The following PHACTR3 variants were observed in gnomAD, a reference collection of about 807,000 sequenced individuals.
The protein encoded by PHACTR3 is phosphatase and actin regulator 3.
A neutral mutation model predicts 66.8 loss-of-function variants in PHACTR3; 16 were observed. That is an observed-to-expected ratio of 0.24 (90% CI 0.16 to 0.36). PHACTR3 has a LOEUF of 0.36. Among genes scored for constraint, PHACTR3 ranks in the 10% least tolerant of loss-of-function variants. The pLI is 1.00. For missense variants in PHACTR3, 647 were observed against 719.9 expected (o/e 0.90, Z 1.16); for synonymous variants, 323 against 292.1 (o/e 1.11, Z -1.08).
chr20:59,816,246 G>A (rs2041884011), intron 8 of PHACTR3, among the ~76,000 whole-genome samples: 6 of 152,104 alleles, frequency 3.9e-5, no homozygotes, highest in Admixed American at 3.3e-4. Flanking sequence ...TGCTGCTGCT[G>A]ATCTGACAGG....
chr20:59,616,346 G>C (rs773106789), intron 1 of PHACTR3, among the ~76,000 whole-genome samples: 1 of 152,172 alleles, frequency 6.6e-6, no homozygotes, highest in Non-Finnish European at 1.5e-5. Context: ...GTTCTGATCT[G>C]GTGCAGTTTT....
At chr20:59,702,260 G>A (rs1246196881) in intron 1 of PHACTR3, among the ~76,000 whole-genome samples, 2 of 152,098 alleles carry the variant, frequency 1.3e-5, no homozygotes, top group Admixed American at 6.5e-5. Flanking sequence ...TGGACCCACT[G>A]TCATCACCTC....
chr20:59,845,522 G>T (rs1056521998), intron 12 of PHACTR3, among the ~76,000 whole-genome samples: 1 of 152,066 alleles, frequency 6.6e-6, no homozygotes, highest in Non-Finnish European at 1.5e-5. Flanking sequence ...ACAAAAATAA[G>T]CCTCAAGGCA....
At chr20:59,772,046 G>T (rs2040379279) in intron 5 of PHACTR3, among the ~76,000 whole-genome samples, 1 of 152,368 alleles carries the variant, frequency 6.6e-6, no homozygotes, top group Middle Eastern at 3.4e-3. Flanking sequence ...CTGAAAAGGA[G>T]CTGATGGTCT....
chr20:59,755,892 G>A (rs754343122), intron 4 of PHACTR3, among the ~76,000 whole-genome samples: 2 of 152,126 alleles, frequency 1.3e-5, no homozygotes, highest in African/African-American at 2.4e-5. Context: ...GGGCTCTTCC[G>A]CTGCTTCTTG....
At position 59,773,372 on chromosome 20, in the gene PHACTR3, C is replaced by T; in HGVS notation, c.845C>T (p.Thr282Ile). 6.2e-7 allele frequency: 1 copy of T among 1,614,206 alleles called. No homozygotes were observed. The highest frequency in any genetic ancestry group is 8.5e-7 in the Non-Finnish European group (1 of 1,180,050). Residue 282 changes from threonine to isoleucine, a missense_variant, in exon 6 of 13, where the codon ACC becomes ATC. By Grantham distance (89) the Thr-to-Ile change is moderately conservative. Coordinates refer to ENST00000371015, the MANE Select transcript of PHACTR3 (RefSeq NM_080672.5). ...ACACCCACGGGGTCTCCGCATCTCACCACGGTCCACCGGCCTCTTCCCCCA... is the reference window on the plus strand; with the variant it reads ...ACACCCACGGGGTCTCCGCATCTCATCACGGTCCACCGGCCTCTTCCCCCA... ...LSTPTGSPHL[T>I]TVHRPLPPSR...
At chr20:59,671,387 G>A (rs530149495) in intron 1 of PHACTR3, among the ~76,000 whole-genome samples, 77 of 152,318 alleles carry the variant, frequency 5.1e-4, no homozygotes, top group Middle Eastern at 3.4e-3. Flanking sequence ...GTCTGGCTTG[G>A]AAGCCACAGA....
chr20:59,822,069 C>T (rs1307743198), intron 8 of PHACTR3, among the ~76,000 whole-genome samples: 1 of 94,358 alleles, frequency 1.1e-5, no homozygotes, highest in Non-Finnish European at 1.9e-5. Flanking sequence ...CGATCCGCCC[C>T]GCAACGATCC....
At chr20:59,685,602 G>A (rs933421665) in intron 1 of PHACTR3, among the ~76,000 whole-genome samples, 2 of 152,188 alleles carry the variant, frequency 1.3e-5, no homozygotes, top group African/African-American at 4.8e-5. Flanking sequence ...TGGAGTTCCG[G>A]CCACTCTGGC....
chr20:59,671,062 G>T (rs1568693132), intron 1 of PHACTR3, among the ~76,000 whole-genome samples: 1 of 152,206 alleles, frequency 6.6e-6, no homozygotes, highest in Non-Finnish European at 1.5e-5. Context: ...ATGGGAGAGA[G>T]CATTTGGTTT....
chr20:59,746,005 G>C (rs984428425), intron 2 of PHACTR3, among the ~76,000 whole-genome samples: 2 of 152,216 alleles, frequency 1.3e-5, no homozygotes, highest in Admixed American at 1.3e-4. Context: ...CTCCACCCCT[G>C]TTCTTCTTAT....
intron 1 of PHACTR3, among the ~76,000 whole-genome samples, chr20:59,714,500 C>T (rs1051232923): frequency 3.9e-5 from 6 of 152,166 alleles, no homozygotes; most frequent in Admixed American, 6.5e-5. Context: ...CAGTACACTG[C>T]GTGGGTCTAT....
chr20:59,657,372 C>T (rs1031307035), intron 1 of PHACTR3, among the ~76,000 whole-genome samples: 2 of 151,790 alleles, frequency 1.3e-5, no homozygotes, highest in Non-Finnish European at 2.9e-5. Flanking sequence ...TTCATAATTA[C>T]ATCATTACCT....
In PHACTR3 at chr20:59,604,561, CAA is replaced by C; in HGVS notation, c.-452_-451del. 1.2e-6 allele frequency: 1 copy of C among 840,236 alleles called. No individual in the cohort carries two copies. The highest frequency in any genetic ancestry group is 1.4e-6 in the Non-Finnish European group (1 of 719,074). The allele number at this position is 840,236 out of a possible 1,614,324, so 52.0% of individuals were successfully genotyped here. ...TTTCAGATTAAAGCAATTGCAAGAG[CAA>C]AGATTCTTCCTTTTCCCTTTTTTCC... On this transcript the variant is annotated 5_prime_UTR_variant, in exon 1 of 13. Transcript: ENST00000371015.
intron 1 of PHACTR3, among the ~76,000 whole-genome samples, chr20:59,669,683 A>G (rs934269047): frequency 2.0e-5 from 3 of 152,030 alleles, no homozygotes. Flanking sequence ...GTTTCTTTAG[A>G]TTTGCCTATT....
intron 3 of PHACTR3, among the ~76,000 whole-genome samples, chr20:59,752,745 C>T (rs2039644744): frequency 6.6e-6 from 1 of 152,190 alleles, no homozygotes; most frequent in Non-Finnish European, 1.5e-5. Flanking sequence ...TTATTAACAG[C>T]AGTGACAGTC....
chr20:59,840,258 C>T, intron 9 of PHACTR3, 111 bp from the exon 10 acceptor site: 1 of 1,465,918 alleles, frequency 6.8e-7, no homozygotes, highest in Non-Finnish European at 9.0e-7. Context: ...GTGGAATTAA[C>T]TTCAGCTCCC....
intron 8 of PHACTR3, among the ~76,000 whole-genome samples, chr20:59,821,595 A>C (rs2042029256): frequency 6.6e-6 from 1 of 152,170 alleles, no homozygotes; most frequent in South Asian, 2.1e-4. Context: ...TAAGAAGGGG[A>C]GAAGGGAGAT....
At chr20:59,650,479 A>T (rs1489320139) in intron 1 of PHACTR3, among the ~76,000 whole-genome samples, 1 of 152,144 alleles carries the variant, frequency 6.6e-6, no homozygotes, top group African/African-American at 2.4e-5. Flanking sequence ...ATTCAATACA[A>T]ATTAAAACAA....
Sources: allele counts gnomAD v4.1 joint callset (sites outside exome capture counted in the v4.1 genomes callset), GRCh38; gene constraint gnomAD v4.1.1; transcripts MANE v1.5; gene names NCBI Gene and HGNC (gene_info 2026-07-23, HGNC 2026-07-21).